TENM2: variants seen among roughly 807,000 people sequenced by gnomAD.
TENM2 encodes teneurin-2.
TENM2 carries 52 observed loss-of-function variants against 245.2 expected under a neutral mutation model. The ratio of observed to expected loss-of-function variants is 0.21; its 90% CI spans 0.17 to 0.27. TENM2 has a LOEUF of 0.27. TENM2 is among the 10% of genes least tolerant of loss of function. The probability of loss-of-function intolerance (pLI) is 1.00; values close to 1 mark genes in which losing one functional copy is unlikely to be tolerated. For missense variants in TENM2, 3,046 were observed against 3,666.8 expected (o/e 0.83, Z 4.37); for synonymous variants, 1,363 against 1,438.9 (o/e 0.95, Z 1.19).
the TENM2 span, among the ~76,000 whole-genome samples, chr5:167,250,667 T>C: frequency 6.6e-6 from 1 of 152,272 alleles, no homozygotes; most frequent in South Asian, 2.1e-4. Context: ...TCCATCCCAT[T>C]TGTTTCTGCA....
At chr5:167,596,721 G>A (rs1244854605) in intron 2 of TENM2, among the ~76,000 whole-genome samples, 3 of 151,468 alleles carry the variant, frequency 2.0e-5, no homozygotes, top group Non-Finnish European at 4.4e-5. Flanking sequence ...CTGTGAACCC[G>A]GGAGGCGGAG....
the TENM2 span, among the ~76,000 whole-genome samples, chr5:167,140,147 T>TA: frequency 1.3e-5 from 2 of 152,014 alleles, no homozygotes; most frequent in African/African-American, 4.8e-5. Context: ...TTTTTTACTT[T>TA]AAAAAAAATT....
chr5:167,721,657 T>C (rs912624849), intron 2 of TENM2, among the ~76,000 whole-genome samples: 1 of 152,180 alleles, frequency 6.6e-6, no homozygotes, highest in Admixed American at 6.5e-5. Context: ...TAGAAGGACA[T>C]GTGGATGAGT....
chr5:168,029,478 T>A (rs1374846646), intron 5 of TENM2, among the ~76,000 whole-genome samples: 4 of 152,132 alleles, frequency 2.6e-5, no homozygotes, highest in Non-Finnish European at 5.9e-5. Flanking sequence ...GAATTCACCC[T>A]AGGAATGCTT....
chr5:167,412,383 G>A (rs375714289), intron 2 of TENM2, among the ~76,000 whole-genome samples: 12 of 152,140 alleles, frequency 7.9e-5, no homozygotes, highest in African/African-American at 2.6e-4. Context: ...TTAGCAGGCC[G>A]GGCAAGGTGG....
intron 2 of TENM2, among the ~76,000 whole-genome samples, chr5:167,402,683 C>G (rs1159672089): frequency 6.6e-6 from 1 of 152,118 alleles, no homozygotes; most frequent in East Asian, 1.9e-4. Flanking sequence ...ACACCAAAGG[C>G]ATGCCACAGT....
chr5:167,231,472 G>C, the TENM2 span, among the ~76,000 whole-genome samples: 1 of 152,196 alleles, frequency 6.6e-6, no homozygotes, highest in Non-Finnish European at 1.5e-5. Context: ...TTAGCAAGGA[G>C]ACTAGCAGCA....
chr5:167,533,570 C>T (rs938776870), intron 2 of TENM2, among the ~76,000 whole-genome samples: 2 of 152,078 alleles, frequency 1.3e-5, no homozygotes, highest in Non-Finnish European at 2.9e-5. Flanking sequence ...GATCTTCACA[C>T]CTTAGCCTCC....
intron 2 of TENM2, among the ~76,000 whole-genome samples, chr5:167,547,637 T>C (rs1261444063): frequency 1.3e-5 from 2 of 152,212 alleles, no homozygotes; most frequent in Non-Finnish European, 2.9e-5. Flanking sequence ...TTTGCACAGT[T>C]TAACTTTCTC....
intron 12 of TENM2, chr5:168,149,428 T>C (rs1393308284): frequency 2.2e-6 from 1 of 457,148 alleles, no homozygotes; most frequent in Admixed American, 2.3e-5. Flanking sequence ...ACAGGGGTAG[T>C]TGGTGGGGAG....
intron 2 of TENM2, among the ~76,000 whole-genome samples, chr5:167,711,849 C>G (rs1758933084): frequency 6.6e-6 from 1 of 152,196 alleles, no homozygotes; most frequent in Non-Finnish European, 1.5e-5. Context: ...CTTCACTCTT[C>G]TTTCAGAGTA....
At chr5:168,182,746 A>G (rs972394014) in intron 13 of TENM2, among the ~76,000 whole-genome samples, 1 of 151,722 alleles carries the variant, frequency 6.6e-6, no homozygotes, top group African/African-American at 2.4e-5. Context: ...AGAGTCAGCA[A>G]TGCTAACTGG....
At chr5:168,263,158 C>A, downstream of TENM2, 1 of 202,398 alleles carries the variant, frequency 4.9e-6, no homozygotes, top group Non-Finnish European at 1.0e-5. Context: ...AGAACAAAAA[C>A]GAATAAGCAA....
the TENM2 span, among the ~76,000 whole-genome samples, chr5:167,016,711 C>T: frequency 2.0e-5 from 3 of 152,254 alleles, no homozygotes; most frequent in East Asian, 5.8e-4. Flanking sequence ...AACACATATG[C>T]TAGTTTGCTT....
intron 5 of TENM2, among the ~76,000 whole-genome samples, chr5:168,005,407 T>A (rs548288208): frequency 6.6e-6 from 1 of 152,366 alleles, no homozygotes; most frequent in East Asian, 1.9e-4. Context: ...CATGTCTGAA[T>A]ACCTTGCTAA....
At chr5:168,248,173 C>T (rs1406422918) in exon 27 of TENM2, 2 of 1,613,988 alleles carry the variant, frequency 1.2e-6, no homozygotes, top group Admixed American at 1.7e-5. Flanking sequence ...CATTGGCTTC[C>T]ATGGGGGACT....
intron 1 of TENM2, among the ~76,000 whole-genome samples, chr5:167,316,885 T>G (rs2127763864): frequency 6.6e-6 from 1 of 152,304 alleles, no homozygotes; most frequent in East Asian, 1.9e-4. Context: ...AGAGTTCTGC[T>G]TTATTGTGGC....
intron 7 of TENM2, among the ~76,000 whole-genome samples, chr5:168,087,975 C>A (rs1792605623): frequency 6.6e-6 from 1 of 152,112 alleles, no homozygotes; most frequent in South Asian, 2.1e-4. Context: ...GAGGAGCCAG[C>A]CAAAATAGAT....
At chr5:167,253,440 T>A in the TENM2 span, among the ~76,000 whole-genome samples, 125 of 151,946 alleles carry the variant, frequency 8.2e-4, 1 homozygote, top group South Asian at 0.021. Flanking sequence ...AACATTTTAA[T>A]GAGAAAACAA....
Sources: gnomAD v4.1 joint callset for allele counts (sites outside exome capture counted in the v4.1 genomes callset) on GRCh38, gnomAD v4.1.1 for gene constraint, MANE v1.5 for transcripts, NCBI Gene and HGNC (gene_info 2026-07-23, HGNC 2026-07-21) for gene names.